Variants in TSHZ2 observed in about 807,000 individuals in gnomAD.
TSHZ2 encodes teashirt zinc finger homeobox 2.
Under a neutral mutation model 74.4 loss-of-function variants are expected in TSHZ2, and 21 were observed. That is an observed-to-expected ratio of 0.28 (90% CI 0.20 to 0.41). The LOEUF (loss-of-function observed/expected upper bound fraction) is 0.41. TSHZ2 is among the 10% of genes least tolerant of loss of function. TSHZ2 has a pLI of 1.00. For synonymous variants in TSHZ2, 540 were observed against 515.3 expected (o/e 1.05, Z -0.65); for missense variants, 1,244 against 1,293.5 (o/e 0.96, Z 0.59).
At chr20:53,262,792 G>A (rs193273556) in intron 2 of TSHZ2, among the ~76,000 whole-genome samples, 28 of 152,314 alleles carry the variant, frequency 1.8e-4, no homozygotes, top group African/African-American at 6.7e-4. Context: ...TGGAAGATCA[G>A]GAGTTTGTTG....
intron 1 of TSHZ2, among the ~76,000 whole-genome samples, chr20:53,137,939 T>C (rs886788729): frequency 2.6e-5 from 4 of 152,320 alleles, no homozygotes; most frequent in African/African-American, 9.6e-5. Flanking sequence ...TAATAAAGTG[T>C]ATTTTTAAGT....
At chr20:53,348,551 A>AC (rs11086420) in intron 2 of TSHZ2, among the ~76,000 whole-genome samples, 100,132 of 151,620 alleles carry the variant, frequency 0.66, 33,390 homozygotes, top group African/African-American at 0.74. Flanking sequence ...AAAAAAATAG[A>AC]CCCCCCCAAA....
chr20:53,427,637 A>AC (rs1201334299), intron 2 of TSHZ2, among the ~76,000 whole-genome samples: 1 of 152,206 alleles, frequency 6.6e-6, no homozygotes, highest in East Asian at 1.9e-4. Context: ...AAAATAGAGA[A>AC]CAGAAATAGC....
At chr20:53,348,994 A>G (rs1980543767) in intron 2 of TSHZ2, among the ~76,000 whole-genome samples, 3 of 152,168 alleles carry the variant, frequency 2.0e-5, no homozygotes, top group South Asian at 4.1e-4. Context: ...CGGCAAAATG[A>G]CCTGGCCTGC....
chr20:53,050,103 G>GTATGTGTATATATATATATA (rs1422702818), intron 1 of TSHZ2, among the ~76,000 whole-genome samples: 2 of 116,064 alleles, frequency 1.7e-5, no homozygotes, highest in Admixed American at 8.6e-5. Flanking sequence ...GTATATGTGT[G>GTATGTGTATATATATATATA]TATATATATA....
intron 1 of TSHZ2, among the ~76,000 whole-genome samples, chr20:53,044,181 T>A (rs1984144820): frequency 1.3e-5 from 2 of 152,256 alleles, no homozygotes; most frequent in African/African-American, 2.4e-5. Context: ...AGAGCATCCC[T>A]AATTCACATA....
At chr20:53,451,122 T>G (rs1484431677) in intron 2 of TSHZ2, among the ~76,000 whole-genome samples, 1 of 152,238 alleles carries the variant, frequency 6.6e-6, no homozygotes, top group Non-Finnish European at 1.5e-5. Context: ...GTTAAAAACC[T>G]GTTCTAGATA....
chr20:53,026,544 T>C (rs1983452203), intron 1 of TSHZ2, among the ~76,000 whole-genome samples: 1 of 152,054 alleles, frequency 6.6e-6, no homozygotes, highest in Non-Finnish European at 1.5e-5. Flanking sequence ...AAAAAAATTT[T>C]TTTCTAAGAC....
At chr20:53,325,808 G>T (rs371501206) in intron 2 of TSHZ2, among the ~76,000 whole-genome samples, 15 of 152,078 alleles carry the variant, frequency 9.9e-5, no homozygotes, top group Non-Finnish European at 1.9e-4. Flanking sequence ...TTGAGATGGA[G>T]TCTCACACTG....
intron 2 of TSHZ2, among the ~76,000 whole-genome samples, chr20:53,431,413 G>A (rs369758710): frequency 6.6e-6 from 1 of 150,784 alleles, no homozygotes; most frequent in East Asian, 2.0e-4. Flanking sequence ...CTGAGATCAC[G>A]CCAGTGCACT....
At chr20:53,443,943 G>A (rs1397029145) in intron 2 of TSHZ2, among the ~76,000 whole-genome samples, 2 of 152,134 alleles carry the variant, frequency 1.3e-5, no homozygotes, top group African/African-American at 2.4e-5. Flanking sequence ...AGAGTGGATG[G>A]GGGAACCAAG....
At chr20:53,437,701 T>C (rs1339347192) in intron 2 of TSHZ2, among the ~76,000 whole-genome samples, 4 of 151,994 alleles carry the variant, frequency 2.6e-5, no homozygotes, top group African/African-American at 4.8e-5. Flanking sequence ...ATGTTGGAGG[T>C]GGGGCCCAGT....
intron 2 of TSHZ2, among the ~76,000 whole-genome samples, chr20:53,329,888 G>A (rs1176669984): frequency 6.6e-6 from 1 of 152,144 alleles, no homozygotes; most frequent in Admixed American, 6.5e-5. Context: ...AACATTTTGG[G>A]ACACTTTAAG....
chr20:53,478,963 C>T (rs1004056122), intron 2 of TSHZ2, among the ~76,000 whole-genome samples: 40 of 151,928 alleles, frequency 2.6e-4, no homozygotes, highest in African/African-American at 8.9e-4. Context: ...TCAGGGATTC[C>T]AGACCAGTCT....
chr20:53,268,267 T>C (rs922340811), intron 2 of TSHZ2, among the ~76,000 whole-genome samples: 10 of 152,202 alleles, frequency 6.6e-5, no homozygotes, highest in African/African-American at 1.9e-4. Flanking sequence ...CAGACCCAGA[T>C]TGAATTACTT....
At chr20:53,479,214 A>T (rs1406535282) in intron 2 of TSHZ2, among the ~76,000 whole-genome samples, 1 of 151,874 alleles carries the variant, frequency 6.6e-6, no homozygotes, top group African/African-American at 2.4e-5. Flanking sequence ...ATGAAAATGC[A>T]CCAGAACAGG....
chr20:53,022,809 TC>T (rs1442739170), intron 1 of TSHZ2, among the ~76,000 whole-genome samples: 2 of 152,226 alleles, frequency 1.3e-5, no homozygotes, highest in Non-Finnish European at 2.9e-5. Flanking sequence ...AAATAGGAGT[TC>T]CTTTGTGTGA....
In TSHZ2 at chr20:53,488,956, CG is replaced by C. The variant is rs1457102127; in HGVS notation, c.*1825del. 1 of 455,050 alleles carries C rather than the reference CG, an allele frequency of 2.2e-6. No homozygotes were observed. The highest frequency in any genetic ancestry group is 4.4e-6 in the Non-Finnish European group (1 of 226,478). The allele number at this position is 455,050 out of a possible 1,614,324, so 28.2% of individuals were successfully genotyped here. A position where few individuals can be genotyped will look rare whatever the true frequency, so the allele number is the denominator to read the frequency against. On this transcript the variant is annotated 3_prime_UTR_variant, in exon 3 of 3. Coordinates refer to ENST00000371497, the MANE Select transcript of TSHZ2 (RefSeq NM_173485.6). The stretch of plus-strand genomic sequence containing the variant: ...CTAGATGGGAAAAAATATGGCGCTT[CG>C]GGGAAGGAGGGAAAAAGTAAATGAA...
At chr20:53,203,224 T>TGTTGCC (rs1989053441) in intron 1 of TSHZ2, among the ~76,000 whole-genome samples, 2 of 146,374 alleles carry the variant, frequency 1.4e-5, no homozygotes, top group Non-Finnish European at 3.0e-5. Flanking sequence ...AGACGGAGTC[T>TGTTGCC]CACTCTGTTG....
Sources: allele counts gnomAD v4.1 joint callset (sites outside exome capture counted in the v4.1 genomes callset), GRCh38; gene constraint gnomAD v4.1.1; transcripts MANE v1.5; gene names NCBI Gene and HGNC (gene_info 2026-07-23, HGNC 2026-07-21).